AGPAT3: variants seen among roughly 807,000 people sequenced by gnomAD.
The protein encoded by AGPAT3 is 1-acyl-sn-glycerol-3-phosphate acyltransferase gamma.
In AGPAT3, 5 loss-of-function variants were observed where a neutral mutation model predicts 47.3. The ratio of observed to expected loss-of-function variants is 0.11; its 90% CI spans 0.06 to 0.22. The LOEUF is 0.22. Ranked by LOEUF, AGPAT3 falls within the 10% of genes least tolerant of loss-of-function variation. The pLI, the probability that AGPAT3 is intolerant of heterozygous loss-of-function variation, is 1.00. For synonymous variants in AGPAT3, 212 were observed against 208.3 expected (o/e 1.02, Z -0.15); for missense variants, 315 against 493.0 (o/e 0.64, Z 3.42).
At chr21:43,976,816 C>T (rs566906054) in intron 7 of AGPAT3, among the ~76,000 whole-genome samples, 1 of 152,334 alleles carries the variant, frequency 6.6e-6, no homozygotes, top group South Asian at 2.1e-4. Context: ...GCCTACCTGA[C>T]GTCTTGCCGT....
intron 2 of AGPAT3, among the ~76,000 whole-genome samples, chr21:43,942,726 C>G (rs2087704178): frequency 2.0e-5 from 3 of 152,142 alleles, no homozygotes; most frequent in African/African-American, 7.2e-5. Flanking sequence ...CCCGCGGTCA[C>G]CCTAGGGTGC....
At chr21:43,969,362 G>C (rs963119746) in intron 5 of AGPAT3, 83 bp downstream of exon 5, 45 of 1,559,204 alleles carry the variant, frequency 2.9e-5, no homozygotes, top group Non-Finnish European at 3.8e-5. Context: ...CACATCCCAG[G>C]CTGGGAAACC....
chr21:43,884,397 C>T (rs2085924373), intron 1 of AGPAT3, among the ~76,000 whole-genome samples: 1 of 152,168 alleles, frequency 6.6e-6, no homozygotes, highest in African/African-American at 2.4e-5. Context: ...TGTGCTGCCT[C>T]TTCGACCTCG....
At chr21:43,904,294 A>C (rs2086434042) in intron 2 of AGPAT3, among the ~76,000 whole-genome samples, 2 of 152,212 alleles carry the variant, frequency 1.3e-5, no homozygotes, top group African/African-American at 2.4e-5. Context: ...CTGAGCTCAA[A>C]GGGGCTGAGC....
At chr21:43,873,680 A>G (rs9637232) in intron 1 of AGPAT3, among the ~76,000 whole-genome samples, 48,914 of 152,094 alleles carry the variant, frequency 0.32, 8,419 homozygotes, top group East Asian at 0.53. Flanking sequence ...GCCCAGCCCA[A>G]GTTGTCAGTT....
intron 2 of AGPAT3, among the ~76,000 whole-genome samples, chr21:43,911,441 A>T (rs1386115471): frequency 6.6e-6 from 1 of 152,262 alleles, no homozygotes; most frequent in Non-Finnish European, 1.5e-5. Flanking sequence ...TGTCCAGGCC[A>T]ACGCAGCGAG....
chr21:43,892,972 G>A (rs1465400214), intron 1 of AGPAT3, among the ~76,000 whole-genome samples: 4 of 152,190 alleles, frequency 2.6e-5, no homozygotes, highest in African/African-American at 7.2e-5. Context: ...ACTTGTGCCT[G>A]TCATCTCAGC....
At chr21:43,881,292 C>G (rs918475407) in intron 1 of AGPAT3, among the ~76,000 whole-genome samples, 1 of 152,188 alleles carries the variant, frequency 6.6e-6, no homozygotes, top group Non-Finnish European at 1.5e-5. Context: ...TGAACCCCTG[C>G]ACCTGCCTCA....
intron 1 of AGPAT3, among the ~76,000 whole-genome samples, chr21:43,888,363 A>G (rs1439598138): frequency 6.6e-6 from 1 of 150,638 alleles, no homozygotes; most frequent in African/African-American, 2.5e-5. Flanking sequence ...TAACATTTGT[A>G]AGGCTTTACT....
At chr21:43,914,659 C>T (rs1348322738) in intron 2 of AGPAT3, among the ~76,000 whole-genome samples, 1 of 152,018 alleles carries the variant, frequency 6.6e-6, no homozygotes, top group East Asian at 1.9e-4. Context: ...AAGCAGTCCT[C>T]CTGCCTCAGC....
At chr21:43,896,067 C>G (rs2145964731) in intron 1 of AGPAT3, among the ~76,000 whole-genome samples, 1 of 152,184 alleles carries the variant, frequency 6.6e-6, no homozygotes, top group African/African-American at 2.4e-5. Context: ...TGCGCCCGGC[C>G]TAATTTTGGT....
chr21:43,971,370 TC>T lies in AGPAT3; in HGVS notation c.665-15del. The T allele has an allele frequency of 6.2e-7, 1 of 1,611,990 alleles. No homozygotes were observed. The highest frequency in any genetic ancestry group is 8.5e-7 in the Non-Finnish European group (1 of 1,178,094). On this transcript the variant is annotated splice_polypyrimidine_tract_variant and intron_variant, in intron 6 of 9. Transcript: ENST00000291572. ...GCCGCCTGGGCTGGGTCATTCACCC[TC>T]CCGTCTCCTCCCACAGTCGCAGCTG...
At chr21:43,921,306 G>A (rs534939020) in intron 2 of AGPAT3, among the ~76,000 whole-genome samples, 5 of 152,194 alleles carry the variant, frequency 3.3e-5, no homozygotes, top group South Asian at 4.2e-4. Context: ...CTGTCCATCC[G>A]GATCCTTCAT....
At chr21:43,931,218 G>A (rs1044242648) in intron 2 of AGPAT3, among the ~76,000 whole-genome samples, 7 of 152,142 alleles carry the variant, frequency 4.6e-5, no homozygotes, top group Admixed American at 1.3e-4. Flanking sequence ...GACCTCCCAC[G>A]TTCCCCGCAT....
intron 2 of AGPAT3, among the ~76,000 whole-genome samples, chr21:43,945,247 G>A (rs1439935274): frequency 2.0e-5 from 3 of 152,146 alleles, no homozygotes; most frequent in African/African-American, 7.2e-5. Context: ...GGGTCATCCC[G>A]GGGTCGCACC....
rs1385635263 is a variant in AGPAT3 at position 43,983,361 on chromosome 21, T to C, written c.*969T>C. 6.6e-6 allele frequency: 1 copy of C among 152,176 alleles called. No homozygotes were observed. Among genetic ancestry groups the C allele is most frequent in the Admixed American group, 6.5e-5 (1 of 15,284 alleles). The allele number at this position is 152,176 out of a possible 1,614,324, so 9.4% of individuals were successfully genotyped here. ...TTGGAGACTGTTAACACTGAGCTCA[T>C]TGACTTCTAGAGATTTTATTTTTAC... On this transcript the variant is annotated 3_prime_UTR_variant, in exon 10 of 10. Coordinates refer to ENST00000291572, the MANE Select transcript of AGPAT3 (RefSeq NM_020132.5).
In AGPAT3 at chr21:43,982,196, C is replaced by T; in HGVS notation, c.1043-108C>T. 1.3e-6 allele frequency: 1 copy of T among 790,558 alleles called. No individual in the cohort carries two copies. The highest frequency in any genetic ancestry group is 2.1e-6 in the Non-Finnish European group (1 of 475,524). 49.0% of individuals were successfully genotyped at this position (790,558 alleles called of 1,614,324 possible). On this transcript the variant is annotated intron_variant, in intron 9 of 9. Transcript: ENST00000291572. This position sits in a 1 kb window ranked among gnomAD's most constrained non-coding sequence, Gnocchi z 6.2. Reference sequence around the variant, plus strand: ...ACAGCAGAGGCCACTGGGTGCGGGGCAGAGGGACAGGGTCTGGGGCAGAGG... The same window carrying T: ...ACAGCAGAGGCCACTGGGTGCGGGGTAGAGGGACAGGGTCTGGGGCAGAGG...
Position 43,922,848 on chromosome 21 carries a change from G to A in AGPAT3, c.-49+18829G>A, listed in dbSNP as rs558760136. 8.5e-5 allele frequency among the ~76,000 whole-genome samples: 13 copies of A among 152,278 alleles called. 1 individual carries two copies. Among genetic ancestry groups the A allele is most frequent in the South Asian group, 6.2e-4 (3 of 4,824 alleles). On this transcript the variant is annotated intron_variant, in intron 2 of 9. Coordinates refer to ENST00000291572, the MANE Select transcript of AGPAT3 (RefSeq NM_020132.5). This position sits in a 1 kb window ranked among gnomAD's most constrained non-coding sequence, Gnocchi z 4.9. ...CCATGAGGATTGGCTGCATTTTTTC[G>A]CTGTGTGATGTGACTGGCTGCCCAG... is the stretch of plus-strand genomic sequence containing the variant.
At chr21:43,923,185 G>T (rs2146207102) in intron 2 of AGPAT3, among the ~76,000 whole-genome samples, 1 of 151,496 alleles carries the variant, frequency 6.6e-6, no homozygotes, top group South Asian at 2.1e-4. Flanking sequence ...CAGTGCCCAG[G>T]GCTCCTTGTG....
Sources: allele counts gnomAD v4.1 joint callset (sites outside exome capture counted in the v4.1 genomes callset), GRCh38; gene constraint gnomAD v4.1.1; non-coding constraint Gnocchi (gnomAD v3.1); transcripts MANE v1.5; gene names NCBI Gene and HGNC (gene_info 2026-07-23, HGNC 2026-07-21).